The following LGR6 variants were observed in gnomAD, a reference collection of about 807,000 sequenced individuals.
The protein encoded by LGR6 is leucine rich repeat containing G protein-coupled receptor 6.
In LGR6, 45 loss-of-function variants were observed where a neutral mutation model predicts 69.4. The ratio of observed to expected loss-of-function variants is 0.65; its 90% CI spans 0.51 to 0.83. The LOEUF (loss-of-function observed/expected upper bound fraction) is 0.83, where lower values mean the gene tolerates loss of function less well. Ranked by LOEUF, LGR6 falls within the 40% of genes least tolerant of loss-of-function variation. The pLI is 0.00. For synonymous variants in LGR6, 538 were observed against 555.0 expected (o/e 0.97, Z 0.43); for missense variants, 1,108 against 1,246.7 (o/e 0.89, Z 1.68).
intron 6 of LGR6, among the ~76,000 whole-genome samples, chr1:202,295,066 G>A (rs1465055467): frequency 6.6e-6 from 1 of 152,138 alleles, no homozygotes; most frequent in Non-Finnish European, 1.5e-5. Context: ...GGTGGCTCAT[G>A]CCTGTAATCC....
intron 6 of LGR6, among the ~76,000 whole-genome samples, chr1:202,292,198 T>C (rs1666844740): frequency 6.6e-6 from 1 of 152,236 alleles, no homozygotes; most frequent in Admixed American, 6.5e-5. Context: ...GCCCTTGTTC[T>C]GGAAGCCTTT....
chr1:202,221,227 G>A (rs895192370), intron 1 of LGR6, among the ~76,000 whole-genome samples: 31 of 152,050 alleles, frequency 2.0e-4, no homozygotes, highest in Non-Finnish European at 4.0e-4. Context: ...CCTGGGATAT[G>A]AGCCAGATTG....
At chr1:202,199,972 G>A (rs1658782925) in intron 1 of LGR6, among the ~76,000 whole-genome samples, 1 of 152,176 alleles carries the variant, frequency 6.6e-6, no homozygotes, top group African/African-American at 2.4e-5. Context: ...TGTGAAAAGG[G>A]CCCAGCAGAG....
Position 202,309,122 on chromosome 1 carries a change from A to G in LGR6, c.1352A>G (p.Lys451Arg), listed in dbSNP as rs776306170. 6.2e-7 allele frequency: 1 copy of G among 1,614,092 alleles called. No individual in the cohort carries two copies. Among genetic ancestry groups the G allele is most frequent in the South Asian group, 1.1e-5 (1 of 91,078 alleles). Residue 451 changes from lysine to arginine, a missense_variant, in exon 15 of 18, where the codon AAA becomes AGA. By Grantham distance (26) the Lys-to-Arg change is conservative. Transcript: ENST00000367278. ...GGGGGCTTGATGCATCTGAAGCTCAAAGGGAACCTTGCTCTCTCCCAGGCC... is the reference window on the plus strand; with the variant it reads ...GGGGGCTTGATGCATCTGAAGCTCAGAGGGAACCTTGCTCTCTCCCAGGCC... ...GLGGLMHLKL[K>R]GNLALSQAFS...
chr1:202,295,872 TGTGTG>T (rs1379549273), intron 6 of LGR6, among the ~76,000 whole-genome samples: 1 of 5,396 alleles, frequency 1.9e-4, no homozygotes, highest in Non-Finnish European at 5.0e-4. Flanking sequence ...GGGTAATTAG[TGTGTG>T]TGTGTGTGTG....
At chr1:202,303,021 A>G (rs904669951) in intron 9 of LGR6, among the ~76,000 whole-genome samples, 2 of 152,092 alleles carry the variant, frequency 1.3e-5, no homozygotes, top group African/African-American at 4.8e-5. Context: ...TGCAAGCTGA[A>G]GCGTGAATGC....
intron 4 of LGR6, among the ~76,000 whole-genome samples, chr1:202,245,934 G>GCATC (rs937493245): frequency 7.9e-5 from 12 of 151,328 alleles, no homozygotes; most frequent in Non-Finnish European, 1.3e-4. Context: ...ATCCATCCAT[G>GCATC]CATCCATCCA....
intron 6 of LGR6, 100 bp from the exon 7 acceptor site, chr1:202,297,407 CA>C: frequency 1.1e-6 from 1 of 884,566 alleles, no homozygotes; most frequent in Non-Finnish European, 1.8e-6. Flanking sequence ...TTGGAAAACC[CA>C]TCTCCCTGGC....
Position 202,314,103 on chromosome 1 carries a change from AAGT to A in LGR6, c.1568-693_1568-691del, listed in dbSNP as rs1306506900. Among the ~76,000 whole-genome samples, 14 of 152,240 alleles carry A rather than the reference AAGT, an allele frequency of 9.2e-5. No individual in the cohort carries two copies. The South Asian group carries it at 2.7e-3, about 29-fold the overall frequency. On this transcript the variant is annotated intron_variant, in intron 16 of 17. Coordinates refer to ENST00000367278, the MANE Select transcript of LGR6 (RefSeq NM_001017403.2). ...ATTGTGGGAACTTACTCTTGTTAGG[AAGT>A]AGTAGAGTGTCTCCATTCGAATCAT...
At chr1:202,199,506 CG>C (rs1658760406) in intron 1 of LGR6, among the ~76,000 whole-genome samples, 1 of 152,168 alleles carries the variant, frequency 6.6e-6, no homozygotes, top group Admixed American at 6.5e-5. Flanking sequence ...GGGGCGCGGC[CG>C]GGTGGGGCGG....
chr1:202,222,283 C>G (rs1660211622), intron 1 of LGR6, among the ~76,000 whole-genome samples: 1 of 152,220 alleles, frequency 6.6e-6, no homozygotes, highest in Admixed American at 6.5e-5. Context: ...ACCCCACCCC[C>G]TTTACTGAGC....
intron 1 of LGR6, among the ~76,000 whole-genome samples, chr1:202,204,690 CCCCCAA>C (rs1659026188): frequency 6.7e-5 from 1 of 14,902 alleles, no homozygotes; most frequent in Non-Finnish European, 1.3e-4. Context: ...CACACACACA[CCCCCAA>C]ACACACACAC....
chr1:202,305,609 T>A, intron 11 of LGR6, 75 bp from the exon 12 acceptor site: 1 of 1,297,572 alleles, frequency 7.7e-7, no homozygotes, highest in African/African-American at 1.5e-5. Flanking sequence ...CAGTCCTGGC[T>A]AGAGCCCCCC....
chr1:202,228,469 A>G (rs1479584351), intron 3 of LGR6, among the ~76,000 whole-genome samples: 6 of 152,202 alleles, frequency 3.9e-5, no homozygotes, highest in African/African-American at 1.4e-4. Context: ...CATTCTGGCT[A>G]TAAACATATT....
At chr1:202,213,008 T>C (rs541958301) in intron 1 of LGR6, among the ~76,000 whole-genome samples, 30 of 152,330 alleles carry the variant, frequency 2.0e-4, no homozygotes, top group Non-Finnish European at 3.4e-4. Flanking sequence ...TATAAGGCTC[T>C]GTCCAGCAGT....
chr1:202,297,168 C>G (rs935866514), intron 6 of LGR6, among the ~76,000 whole-genome samples: 1 of 152,168 alleles, frequency 6.6e-6, no homozygotes, highest in African/African-American at 2.4e-5. Context: ...ACCCACTTCC[C>G]CCCTTCCTCC....
At position 202,253,036 on chromosome 1, in the gene LGR6, G is replaced by A. The variant is rs533664095; in HGVS notation, c.428+17043G>A. The stretch of plus-strand genomic sequence containing the variant: ...AGTCTGGGGACTCCAGACTGTGGCA[G>A]CCCAAATAATCTGTCTACTTTTAGC... On this transcript the variant is annotated intron_variant, in intron 4 of 17. Transcript: ENST00000367278. 4.6e-5 allele frequency among the ~76,000 whole-genome samples: 7 copies of A among 152,326 alleles called. No homozygotes were observed. The South Asian group carries it at 1.4e-3, about 32-fold the overall frequency.
chr1:202,194,924 G>GT (rs1557999294), intron 1 of LGR6, among the ~76,000 whole-genome samples: 1 of 152,184 alleles, frequency 6.6e-6, no homozygotes, highest in Non-Finnish European at 1.5e-5. Flanking sequence ...CTGAGTTGGG[G>GT]TGAGATGGCG....
At chr1:202,298,240 T>G (rs568910440) in intron 7 of LGR6, among the ~76,000 whole-genome samples, 2 of 152,144 alleles carry the variant, frequency 1.3e-5, no homozygotes, top group Non-Finnish European at 2.9e-5. Context: ...CAGAGTAATG[T>G]GGAAAGATCA....
Sources: allele counts gnomAD v4.1 joint callset (sites outside exome capture counted in the v4.1 genomes callset), GRCh38; gene constraint gnomAD v4.1.1; transcripts MANE v1.5; gene names NCBI Gene and HGNC (gene_info 2026-07-23, HGNC 2026-07-21).